The following ITM2B variants were observed in gnomAD, a reference collection of about 807,000 sequenced individuals.
The protein encoded by ITM2B is integral membrane protein 2B.
ITM2B carries 11 observed loss-of-function variants against 27.8 expected under a neutral mutation model. That is an observed-to-expected ratio of 0.40 (90% CI 0.25 to 0.66). ITM2B has a LOEUF of 0.66. ITM2B is among the 30% of genes least tolerant of loss of function. The pLI, the probability that ITM2B is intolerant of heterozygous loss-of-function variation, is 0.43. For synonymous variants in ITM2B, 114 were observed against 114.3 expected (o/e 1.00, Z 0.02); for missense variants, 296 against 328.9 (o/e 0.90, Z 0.77).
chr13:48,261,057 CTAAA>C (rs921108313), intron 5 of ITM2B, 78 bp from the exon 6 acceptor site: 7 of 926,132 alleles, frequency 7.6e-6, no homozygotes, highest in Admixed American at 6.3e-5. Context: ...TTCTATATGT[CTAAA>C]TAATAACTAT....
chr13:48,242,805 C>A (rs539769561), intron 1 of ITM2B, among the ~76,000 whole-genome samples: 2 of 149,566 alleles, frequency 1.3e-5, no homozygotes, highest in African/African-American at 4.9e-5. Flanking sequence ...TTTCTTTTTT[C>A]TTTTATGCTT....
chr13:48,234,472 C>G (rs1951655586), intron 1 of ITM2B, among the ~76,000 whole-genome samples: 1 of 151,980 alleles, frequency 6.6e-6, no homozygotes. Context: ...TAGCATTTTT[C>G]AAGACCTATT....
chr13:48,258,332 GACTGTAGTTAAGAATTTTACAA>G lies in ITM2B; in HGVS notation c.564+98_564+119del, dbSNP rs1413222410. The G allele has an allele frequency of 2.1e-5, 16 of 763,312 alleles. No homozygotes were observed. In the Middle Eastern group the frequency reaches 1.2e-3, roughly 55 times the overall value. 47.3% of individuals were successfully genotyped at this position (763,312 alleles called of 1,614,324 possible). A position where few individuals can be genotyped will look rare whatever the true frequency, so the allele number is the denominator to read the frequency against. On this transcript the variant is annotated intron_variant, in intron 4 of 5. Transcript: ENST00000647800. ...AGCCCTATAGGAGCCCATTTTATCA[GACTGTAGTTAAGAATTTTACAA>G]AGAGGAACTAATACTCATGGTTTTT...
chr13:48,254,693 ATTTTGAAACAT>A (rs1951775209), intron 2 of ITM2B, among the ~76,000 whole-genome samples: 1 of 152,110 alleles, frequency 6.6e-6, no homozygotes, highest in African/African-American at 2.4e-5. Flanking sequence ...AATTTAACTA[ATTTTGAAACAT>A]TCTCAATTTC....
chr13:48,234,515 A>T lies in ITM2B; in HGVS notation c.117+1038A>T, dbSNP rs73485059. 4.0e-3 allele frequency among the ~76,000 whole-genome samples: 612 copies of T among 152,282 alleles called. 6 individuals are homozygous for T. Among genetic ancestry groups the T allele is most frequent in the African/African-American group, 0.014 (580 of 41,550 alleles). On this transcript the variant is annotated intron_variant, in intron 1 of 5. Coordinates refer to ENST00000647800, the MANE Select transcript of ITM2B (RefSeq NM_021999.5). The stretch of plus-strand genomic sequence containing the variant: ...GGGTAAATTTAGTTTTAACTTAAAA[A>T]AATTGGTGTGCCACGTATGAATAAT...
chr13:48,255,956 G>C (rs1040457430), intron 2 of ITM2B, among the ~76,000 whole-genome samples: 7 of 152,036 alleles, frequency 4.6e-5, no homozygotes, highest in Non-Finnish European at 8.8e-5. Flanking sequence ...AAAGTAAAGG[G>C]AAAACCAGCT....
rs575256839 is a variant in ITM2B, at chr13:48,264,727, A to G, written c.*3503A>G. 1 of 152,186 alleles carries G rather than the reference A, an allele frequency of 6.6e-6. No individual in the cohort carries two copies. Among genetic ancestry groups the G allele is most frequent in the Non-Finnish European group, 1.5e-5 (1 of 68,026 alleles). 9.4% of individuals were successfully genotyped at this position (152,186 alleles called of 1,614,324 possible). On this transcript the variant is annotated 3_prime_UTR_variant, in exon 6 of 6. Transcript: ENST00000647800. ...TTCATTTCCACAAAGCTACACAGCC[A>G]TCAGTTCGTTCAATATCTTGTCCAA...
Position 48,253,811 on chromosome 13 carries a change from C to T in ITM2B, c.121C>T (p.Pro41Ser). Residue 41 changes from proline (P) to serine (S), a missense_variant, in exon 2 of 6, where the codon CCA (proline) becomes TCA (serine). Physicochemically the swap from Pro to Ser is moderately conservative, Grantham distance 74 (BLOSUM62 -1). Transcript: ENST00000647800. ...PDAVAVDCKD[P>S]DDVVPVGQRR... Reference sequence around the variant, plus strand: ...AACTGTCTTTTTCATATTTTAGGACCCAGATGATGTGGTACCAGTTGGCCA... The same window carrying T: ...AACTGTCTTTTTCATATTTTAGGACTCAGATGATGTGGTACCAGTTGGCCA... The T allele has an allele frequency of 1.2e-6, 2 of 1,613,630 alleles. No homozygotes were observed. Among genetic ancestry groups the T allele is most frequent in the Non-Finnish European group, 1.7e-6 (2 of 1,179,668 alleles).
intron 1 of ITM2B, among the ~76,000 whole-genome samples, chr13:48,239,372 C>T (rs545597562): frequency 3.3e-5 from 5 of 152,270 alleles, no homozygotes; most frequent in South Asian, 4.1e-4. Flanking sequence ...CGCAAGCCAC[C>T]GCCTGTAATC....
chr13:48,264,352 G>A lies in ITM2B; in HGVS notation c.*3128G>A, dbSNP rs142784551. 3.1e-3 allele frequency: 474 copies of A among 152,174 alleles called. 5 individuals carry two copies. Among genetic ancestry groups the A allele is most frequent in the African/African-American group, 0.011 (453 of 41,516 alleles). The allele number at this position is 152,174 out of a possible 1,614,324, so 9.4% of individuals were successfully genotyped here. ...TTAGTGAGAAGCAAGAAAAAAAAATGTACACAGTGTCCTAAATGTTGTTTA... is the reference window on the plus strand; with the variant it reads ...TTAGTGAGAAGCAAGAAAAAAAAATATACACAGTGTCCTAAATGTTGTTTA... On this transcript the variant is annotated 3_prime_UTR_variant, in exon 6 of 6. Transcript: ENST00000647800.
At chr13:48,249,847 T>G (rs1197292102) in intron 1 of ITM2B, among the ~76,000 whole-genome samples, 5 of 152,238 alleles carry the variant, frequency 3.3e-5, no homozygotes, top group African/African-American at 1.2e-4. Context: ...ATACATTTTC[T>G]GTATATTTTG....
At chr13:48,234,558 C>T (rs1440172294) in intron 1 of ITM2B, among the ~76,000 whole-genome samples, 1 of 151,658 alleles carries the variant, frequency 6.6e-6, no homozygotes, top group Non-Finnish European at 1.5e-5. Context: ...TTTATATGGA[C>T]GAATGAAAAT....
rs1951771063 is a variant in ITM2B, at chr13:48,253,989, C to A, written c.246+53C>A. ...TGATTTTTTTTTTTTTTTGCCTCTCCCGATGTGCATTACAAAATTGTTTAC... is the reference window on the plus strand; with the variant it reads ...TGATTTTTTTTTTTTTTTGCCTCTCACGATGTGCATTACAAAATTGTTTAC... On this transcript the variant is annotated intron_variant, in intron 2 of 5. Coordinates refer to ENST00000647800, the MANE Select transcript of ITM2B (RefSeq NM_021999.5). The A allele has an allele frequency of 2.0e-6, 3 of 1,517,558 alleles. No individual in the cohort carries two copies. The East Asian group carries it at 6.8e-5, about 34-fold the overall frequency. The allele number at this position is 1,517,558 out of a possible 1,614,324, so 94.0% of individuals were successfully genotyped here.
At chr13:48,234,490 G>A (rs1951655853) in intron 1 of ITM2B, among the ~76,000 whole-genome samples, 1 of 151,954 alleles carries the variant, frequency 6.6e-6, no homozygotes, top group African/African-American at 2.4e-5. Context: ...ATTATCAGTA[G>A]GGTAAATTTA....
At chr13:48,244,643 T>G (rs1428132969) in intron 1 of ITM2B, among the ~76,000 whole-genome samples, 1 of 152,224 alleles carries the variant, frequency 6.6e-6, no homozygotes, top group Non-Finnish European at 1.5e-5. Flanking sequence ...TATTTGAATA[T>G]GAATGTATAA....
intron 1 of ITM2B, among the ~76,000 whole-genome samples, chr13:48,251,491 A>G (rs1453395136): frequency 2.0e-5 from 3 of 152,222 alleles, no homozygotes; most frequent in Admixed American, 6.5e-5. Flanking sequence ...TCCAGTGCCT[A>G]GCACAGCTCT....
chr13:48,261,136 C>G lies in ITM2B; in HGVS notation c.716-3C>G. ...TTAAAAAACTTTTTTCCCTCTCCAA[C>G]AGGTATTCAGAAACGTGAAGCCAGC... is the stretch of plus-strand genomic sequence containing the variant. On this transcript the variant is annotated splice_region_variant and splice_polypyrimidine_tract_variant and intron_variant, in intron 5 of 5. Transcript: ENST00000647800. 1 of 1,608,106 alleles carries G rather than the reference C, an allele frequency of 6.2e-7. No homozygotes were observed. Among genetic ancestry groups the G allele is most frequent in the Non-Finnish European group, 8.5e-7 (1 of 1,175,468 alleles).
At chr13:48,250,020 A>C (rs1951745097) in intron 1 of ITM2B, among the ~76,000 whole-genome samples, 1 of 152,110 alleles carries the variant, frequency 6.6e-6, no homozygotes, top group Non-Finnish European at 1.5e-5. Context: ...CTTCTCCATG[A>C]CTCGGATTGT....
rs751333259 is a variant in ITM2B at position 48,233,453 on chromosome 13, C to G, written c.93C>G (p.Pro31=). The change falls in exon 1 of 6, where the codon CCC becomes CCG. Residue 31 remains proline, a synonymous_variant. Coordinates refer to ENST00000647800, the MANE Select transcript of ITM2B (RefSeq NM_021999.5). ...GCGAGGAGGCGCTCATCATCCCCCC[C>G]GACGCCGTCGCGGTGGACTGCAAGG... ...KSGEEALIIP[P]DAVAVDCKDP... 6.5e-7 allele frequency: 1 copy of G among 1,535,844 alleles called. No homozygotes were observed. The highest frequency in any genetic ancestry group is 8.8e-7 in the Non-Finnish European group (1 of 1,142,650).
Sources: gnomAD v4.1 joint callset for allele counts (sites outside exome capture counted in the v4.1 genomes callset) on GRCh38, gnomAD v4.1.1 for gene constraint, MANE v1.5 for transcripts, NCBI Gene and HGNC (gene_info 2026-07-23, HGNC 2026-07-21) for gene names.